The following UNC5C variants were observed in gnomAD, a reference collection of about 807,000 sequenced individuals.
The protein encoded by UNC5C is netrin receptor UNC5C.
A neutral mutation model predicts 99.8 loss-of-function variants in UNC5C; 47 were observed. The ratio of observed to expected loss-of-function variants is 0.47; its 90% confidence interval spans 0.37 to 0.60. The LOEUF (loss-of-function observed/expected upper bound fraction) is 0.60, where lower values mean the gene tolerates loss of function less well. UNC5C is among the 20% of genes least tolerant of loss of function. The pLI is 0.00. For missense variants in UNC5C, 1,062 were observed against 1,165.9 expected, an observed-to-expected ratio of 0.91 and a Z score of 1.30; for synonymous variants, 487 against 452.2, an observed-to-expected ratio of 1.08 and a Z score of -0.98.
intron 1 of UNC5C, among the ~76,000 whole-genome samples, chr4:95,506,951 A>G (rs1190727053): frequency 6.6e-6 from 1 of 151,032 alleles, no homozygotes; most frequent in African/African-American, 2.5e-5. Flanking sequence ...AAGGTATAAT[A>G]CAAATAACAA....
chr4:95,439,960 C>T (rs2149463195), intron 1 of UNC5C, among the ~76,000 whole-genome samples: 1 of 152,264 alleles, frequency 6.6e-6, no homozygotes, highest in Non-Finnish European at 1.5e-5. Flanking sequence ...AGAGGACAAG[C>T]TAAGAGCTGA....
In UNC5C at chr4:95,347,836, G is replaced by A. The variant is rs558058913; in HGVS notation, c.125-12205C>T. 8.5e-5 allele frequency among the ~76,000 whole-genome samples: 13 copies of A among 152,096 alleles called. No homozygotes were observed. In the South Asian group the frequency reaches 2.5e-3, roughly 29 times the overall value. On this transcript the variant is annotated intron_variant, in intron 1 of 15. Transcript: ENST00000453304. The stretch of plus-strand genomic sequence containing the variant: ...AATAAAGATTGGGGAAACTCTGCAG[G>A]ACATTGGGCTGGGCAAAGATTTCTT...
At chr4:95,516,336 T>A (rs1435503204) in intron 1 of UNC5C, among the ~76,000 whole-genome samples, 1 of 152,140 alleles carries the variant, frequency 6.6e-6, no homozygotes, top group African/African-American at 2.4e-5. Context: ...ATCAAGCAAA[T>A]GAAAACAGTA....
chr4:95,489,984 A>T (rs553552422), intron 1 of UNC5C, among the ~76,000 whole-genome samples: 1 of 151,746 alleles, frequency 6.6e-6, no homozygotes, highest in Non-Finnish European at 1.5e-5. Context: ...CCTAAGAAGG[A>T]TAATCAGAAC....
intron 2 of UNC5C, among the ~76,000 whole-genome samples, chr4:95,333,500 T>C (rs1308955072): frequency 4.9e-5 from 7 of 143,774 alleles, no homozygotes; most frequent in Admixed American, 1.5e-4. Context: ...ATGTTCTCAC[T>C]CATAGGTGGG....
At chr4:95,430,071 C>G (rs563271704) in intron 1 of UNC5C, among the ~76,000 whole-genome samples, 17 of 152,050 alleles carry the variant, frequency 1.1e-4, no homozygotes, top group East Asian at 7.7e-4. Context: ...TTGTATGATA[C>G]TATAATGATG....
rs576756487 is a variant in UNC5C at position 95,169,469 on chromosome 4, T to TTCTG, written c.2631-74_2631-71dup. ...TATCTATTTTTCCTCAGCTAAACCT[T>TTCTG]TCTGTCTCTCTACTTGTCTTTAAGT... On this transcript the variant is annotated intron_variant, in intron 15 of 15. Transcript: ENST00000453304. The TTCTG allele has an allele frequency of 7.8e-4, 1,205 of 1,541,448 alleles. 10 individuals carry two copies. The African/African-American group carries it at 0.014, about 18-fold the overall frequency.
At chr4:95,323,820 G>A (rs965294172) in intron 2 of UNC5C, among the ~76,000 whole-genome samples, 5 of 152,214 alleles carry the variant, frequency 3.3e-5, no homozygotes, top group African/African-American at 7.2e-5. Context: ...GGTGGATCAC[G>A]AAGTCAGGAG....
At chr4:95,250,111 T>G (rs1297715785) in intron 5 of UNC5C, among the ~76,000 whole-genome samples, 1 of 152,122 alleles carries the variant, frequency 6.6e-6, no homozygotes, top group Non-Finnish European at 1.5e-5. Context: ...AGAAGCTGAC[T>G]GAGAAAGGGC....
intron 1 of UNC5C, among the ~76,000 whole-genome samples, chr4:95,448,152 T>C (rs1488140320): frequency 6.7e-6 from 1 of 150,310 alleles, no homozygotes; most frequent in South Asian, 2.1e-4. Context: ...AAAATGGTGG[T>C]GATGTTAGCA....
chr4:95,349,654 C>T (rs1352898582), intron 1 of UNC5C, among the ~76,000 whole-genome samples: 1 of 151,752 alleles, frequency 6.6e-6, no homozygotes. Context: ...CCACAAGTCT[C>T]TTCATTAAAT....
At chr4:95,343,517 C>T (rs1743656667) in intron 1 of UNC5C, among the ~76,000 whole-genome samples, 1 of 152,056 alleles carries the variant, frequency 6.6e-6, no homozygotes, top group South Asian at 2.1e-4. Context: ...TACAACTCTT[C>T]AATGCACAGA....
intron 10 of UNC5C, among the ~76,000 whole-genome samples, chr4:95,209,066 C>G (rs927713411): frequency 1.3e-5 from 2 of 152,142 alleles, no homozygotes; most frequent in African/African-American, 4.8e-5. Flanking sequence ...GCAGGCCTGT[C>G]TACTCCTCAT....
chr4:95,222,364 A>G, intron 7 of UNC5C: 1 of 707,810 alleles, frequency 1.4e-6, no homozygotes, highest in Non-Finnish European at 2.2e-6. Flanking sequence ...TTAAAAGGAA[A>G]AGAAACCTGT....
At position 95,218,965 on chromosome 4, in the gene UNC5C, T is replaced by G; in HGVS notation, c.1645+4A>C. The G allele has an allele frequency of 6.3e-7, 1 of 1,586,980 alleles. No individual in the cohort carries two copies. The highest frequency in any genetic ancestry group is 8.6e-7 in the Non-Finnish European group (1 of 1,165,122). On this transcript the variant is annotated splice_donor_region_variant and intron_variant, in intron 9 of 15. Transcript: ENST00000453304. Reference sequence around the variant, plus strand: ...TCTTTGCAATTTAAACCTCTAGGAATTACCTGAATTGGGAACAATAAGGTG... The same window carrying G: ...TCTTTGCAATTTAAACCTCTAGGAAGTACCTGAATTGGGAACAATAAGGTG...
intron 1 of UNC5C, among the ~76,000 whole-genome samples, chr4:95,529,609 C>T (rs1722589665): frequency 6.6e-6 from 1 of 151,812 alleles, no homozygotes; most frequent in Admixed American, 6.6e-5. Flanking sequence ...CCCTGTAGGT[C>T]CCAGCTACTC....
intron 1 of UNC5C, among the ~76,000 whole-genome samples, chr4:95,407,867 C>T (rs1483573304): frequency 6.6e-6 from 1 of 151,870 alleles, no homozygotes; most frequent in Non-Finnish European, 1.5e-5. Flanking sequence ...TTGCAATTTG[C>T]AATAGTTGAA....
At chr4:95,500,713 A>G (rs541669358) in intron 1 of UNC5C, among the ~76,000 whole-genome samples, 1 of 152,274 alleles carries the variant, frequency 6.6e-6, no homozygotes, top group African/African-American at 2.4e-5. Flanking sequence ...TCCTTTTACT[A>G]AAATGAATAG....
chr4:95,335,582 A>G lies in UNC5C; in HGVS notation c.174T>C (p.Pro58=), dbSNP rs377099296. Reference sequence around the variant, plus strand: ...CAATAAGGAAATGTGGCAGAGGCTCAGGTGGATCAGAAGGAAAAGTTTCTG... The same window carrying G: ...CAATAAGGAAATGTGGCAGAGGCTCGGGTGGATCAGAAGGAAAAGTTTCTG... ...ELPETFPSDP[P]EPLPHFLIEP... Residue 58 remains proline (P), a synonymous_variant, in exon 2 of 16, where the codon CCT becomes CCC. Transcript: ENST00000453304. 110 of 1,611,548 alleles carry G rather than the reference A, an allele frequency of 6.8e-5. No homozygotes were observed. The highest frequency in any genetic ancestry group is 9.1e-5 in the Non-Finnish European group (107 of 1,178,674).
Sources: gnomAD v4.1 joint callset for allele counts (sites outside exome capture counted in the v4.1 genomes callset) on GRCh38, gnomAD v4.1.1 for gene constraint, MANE v1.5 for transcripts, NCBI Gene and HGNC (gene_info 2026-07-23, HGNC 2026-07-21) for gene names.